The following SLC24A3 variants were observed in gnomAD, a reference collection of about 807,000 sequenced individuals.
SLC24A3 encodes the protein sodium/potassium/calcium exchanger 3.
Under a neutral mutation model 75.8 loss-of-function variants are expected in SLC24A3, and 28 were observed. The observed-to-expected ratio is 0.37, with a 90% CI of 0.27 to 0.51. The LOEUF (loss-of-function observed/expected upper bound fraction) is 0.51. SLC24A3 is among the 20% of genes least tolerant of loss of function. SLC24A3 has a pLI of 0.94. For synonymous variants in SLC24A3, 372 were observed against 334.1 expected, an observed-to-expected ratio of 1.11 and a Z score of -1.24; for missense variants, 663 against 847.8, an observed-to-expected ratio of 0.78 and a Z score of 2.71.
At chr20:19,465,480 A>G (rs901697800) in intron 2 of SLC24A3, among the ~76,000 whole-genome samples, 1 of 151,904 alleles carries the variant, frequency 6.6e-6, no homozygotes, top group Non-Finnish European at 1.5e-5. Flanking sequence ...GTTTGCTACA[A>G]TCCAGCCAAT....
intron 2 of SLC24A3, among the ~76,000 whole-genome samples, chr20:19,313,094 T>A (rs1984500966): frequency 7.5e-6 from 1 of 133,458 alleles, no homozygotes; most frequent in Non-Finnish European, 1.5e-5. Context: ...TTGAGTGCAA[T>A]GGCAGGATCT....
intron 1 of SLC24A3, among the ~76,000 whole-genome samples, chr20:19,227,670 G>GTATCACCTT (rs1416555095): frequency 1.3e-5 from 2 of 151,936 alleles, no homozygotes; most frequent in African/African-American, 4.8e-5. Flanking sequence ...CACATTTGTG[G>GTATCACCTT]TATCACCTTT....
intron 3 of SLC24A3, among the ~76,000 whole-genome samples, chr20:19,529,600 T>C (rs2030259317): frequency 6.6e-6 from 1 of 152,166 alleles, no homozygotes. Flanking sequence ...GAAACATACA[T>C]GAGGATCAAG....
At chr20:19,678,241 T>C (rs1219434154) in intron 9 of SLC24A3, among the ~76,000 whole-genome samples, 4 of 146,956 alleles carry the variant, frequency 2.7e-5, no homozygotes, top group African/African-American at 7.6e-5. Flanking sequence ...CCAGACGGGG[T>C]GGTGGCCGGG....
rs184694729 is a variant in SLC24A3 at position 19,591,856 on chromosome 20, C to T, written c.612+6312C>T. ...TTACAGGACAAAGCCTGTGCACTAT[C>T]GTGTGCTGCCTCAATGTCTGCTTTC... On this transcript the variant is annotated intron_variant, in intron 6 of 16. Transcript: ENST00000328041. Among the ~76,000 whole-genome samples, 14 of 152,338 alleles carry T rather than the reference C, an allele frequency of 9.2e-5. No individual in the cohort carries two copies. In the East Asian group the frequency reaches 1.7e-3, roughly 19 times the overall value.
In SLC24A3 at chr20:19,381,746, A is replaced by G. The variant is rs967965259; in HGVS notation, c.271+100659A>G. Among the ~76,000 whole-genome samples the G allele has an allele frequency of 9.2e-5, 14 of 152,340 alleles. No homozygotes were observed. The South Asian group carries it at 2.7e-3, about 29-fold the overall frequency. ...TTCAGCACAAGTTAGGTGAGCAGCT[A>G]TTTATGTACTAGGTGAAGGTTCCCA... On this transcript the variant is annotated intron_variant, in intron 2 of 16. Coordinates refer to ENST00000328041, the MANE Select transcript of SLC24A3 (RefSeq NM_020689.4).
Position 19,263,091 on chromosome 20 carries a change from C to T in SLC24A3, c.143-17868C>T, listed in dbSNP as rs1052306027. Among the ~76,000 whole-genome samples the T allele has an allele frequency of 3.3e-5, 5 of 151,182 alleles. 1 individual carries two copies. Among genetic ancestry groups the T allele is most frequent in the East Asian group, 1.9e-4 (1 of 5,150 alleles). ...TGTGTGTTTTCTGTTGACCCCCCCA[C>T]GTTTGTTCCTGTTTCTTTCACTTTT... On this transcript the variant is annotated intron_variant, in intron 1 of 16. Transcript: ENST00000328041.
intron 3 of SLC24A3, among the ~76,000 whole-genome samples, chr20:19,550,122 G>T (rs898446676): frequency 6.6e-6 from 1 of 152,178 alleles, no homozygotes; most frequent in Non-Finnish European, 1.5e-5. Flanking sequence ...AAAGCTTTGA[G>T]TTGCCAAGAT....
intron 6 of SLC24A3, among the ~76,000 whole-genome samples, chr20:19,645,447 G>T (rs2032126070): frequency 6.6e-6 from 1 of 152,122 alleles, no homozygotes; most frequent in South Asian, 2.1e-4. Flanking sequence ...AAGTGGAGTG[G>T]TTGGGTCTAA....
chr20:19,502,868 CAAAAAAAAA>C (rs368651686), intron 2 of SLC24A3, among the ~76,000 whole-genome samples: 9 of 72,208 alleles, frequency 1.2e-4, no homozygotes, highest in Non-Finnish European at 1.4e-4. Context: ...CTGTCTCTAC[CAAAAAAAAA>C]AAAAAAAAAA....
At chr20:19,331,695 G>T (rs998493046) in intron 2 of SLC24A3, among the ~76,000 whole-genome samples, 1 of 152,090 alleles carries the variant, frequency 6.6e-6, no homozygotes, top group Non-Finnish European at 1.5e-5. Flanking sequence ...TTGGGCATTG[G>T]TCCATCTCAG....
chr20:19,518,427 T>C (rs1340448568), intron 3 of SLC24A3, among the ~76,000 whole-genome samples: 1 of 152,182 alleles, frequency 6.6e-6, no homozygotes, highest in Non-Finnish European at 1.5e-5. Flanking sequence ...CAGCGTGCTG[T>C]GCTGTGGGAG....
intron 1 of SLC24A3, among the ~76,000 whole-genome samples, chr20:19,237,245 C>A (rs1568565001): frequency 6.6e-6 from 1 of 152,124 alleles, no homozygotes; most frequent in Non-Finnish European, 1.5e-5. Context: ...AATTTCAGCA[C>A]CTGGTGCTCC....
intron 2 of SLC24A3, among the ~76,000 whole-genome samples, chr20:19,440,382 T>C (rs1172637927): frequency 6.6e-6 from 1 of 152,212 alleles, no homozygotes; most frequent in African/African-American, 2.4e-5. Context: ...ATGGGACAAG[T>C]GTCCAGAGAT....
intron 2 of SLC24A3, 49 bp downstream of exon 2, chr20:19,281,136 A>G (rs779827115): frequency 3.1e-6 from 5 of 1,601,706 alleles, no homozygotes; most frequent in Admixed American, 3.4e-5. Context: ...TTCTCTGGCT[A>G]TGGCTGAGGA....
intron 3 of SLC24A3, 27 bp downstream of exon 3, chr20:19,515,591 G>A: frequency 2.5e-6 from 4 of 1,611,416 alleles, no homozygotes; most frequent in Non-Finnish European, 3.4e-6. Context: ...GCCTCTGCCT[G>A]GAGGGTCCAT....
At position 19,654,515 on chromosome 20, in the gene SLC24A3, G is replaced by A. The variant is rs1388521233; in HGVS notation, c.687+379G>A. 4.0e-5 allele frequency among the ~76,000 whole-genome samples: 6 copies of A among 151,866 alleles called. No individual in the cohort carries two copies. The East Asian group carries it at 5.8e-4, about 15-fold the overall frequency. ...CCCTCCCACAGAGCCCATTACCGTG[G>A]CCACCTTTGTGCCAACACCCACACA... On this transcript the variant is annotated intron_variant, in intron 7 of 16. Transcript: ENST00000328041.
chr20:19,536,305 G>A (rs2030394779), intron 3 of SLC24A3, among the ~76,000 whole-genome samples: 1 of 152,126 alleles, frequency 6.6e-6, no homozygotes, highest in African/African-American at 2.4e-5. Context: ...GCAAGTGCAA[G>A]CAAGGTTAGA....
intron 3 of SLC24A3, among the ~76,000 whole-genome samples, chr20:19,571,556 G>T (rs1412760741): frequency 6.6e-6 from 1 of 152,092 alleles, no homozygotes; most frequent in African/African-American, 2.4e-5. Flanking sequence ...CATTCCCAAG[G>T]CTCCAAAACA....
Sources: allele counts gnomAD v4.1 joint callset (sites outside exome capture counted in the v4.1 genomes callset), GRCh38; gene constraint gnomAD v4.1.1; transcripts MANE v1.5; gene names NCBI Gene and HGNC (gene_info 2026-07-23, HGNC 2026-07-21).